FMN2: variants seen among roughly 807,000 people sequenced by gnomAD.
FMN2 encodes the protein formin-2.
A neutral mutation model predicts 142.3 loss-of-function variants in FMN2; 51 were observed. The ratio of observed to expected loss-of-function variants is 0.36; its 90% CI spans 0.29 to 0.45. The LOEUF (loss-of-function observed/expected upper bound fraction) is 0.45. Among genes scored for constraint, FMN2 ranks in the 20% least tolerant of loss-of-function variants. The pLI is 1.00. For synonymous variants in FMN2, 882 were observed against 869.8 expected (o/e 1.01, Z -0.25); for missense variants, 1,936 against 2,122.8 (o/e 0.91, Z 1.73).
chr1:240,427,319 C>T (rs1376507553), intron 15 of FMN2, among the ~76,000 whole-genome samples: 1 of 151,976 alleles, frequency 6.6e-6, no homozygotes, highest in Non-Finnish European at 1.5e-5. Flanking sequence ...CATTCTCCTG[C>T]CTCAGCCTCC....
chr1:240,337,228 T>TA (rs1354468205), intron 13 of FMN2, among the ~76,000 whole-genome samples: 1 of 134,364 alleles, frequency 7.4e-6, no homozygotes, highest in African/African-American at 3.1e-5. Context: ...TTTTTTTTTT[T>TA]AAGACAGTCT....
At chr1:240,147,918 A>G (rs1173533034) in intron 2 of FMN2, among the ~76,000 whole-genome samples, 1 of 152,214 alleles carries the variant, frequency 6.6e-6, no homozygotes, top group Non-Finnish European at 1.5e-5. Flanking sequence ...TTGATAAGCC[A>G]GATTCGGGAA....
chr1:240,371,520 G>A (rs533207883), intron 14 of FMN2, among the ~76,000 whole-genome samples: 12 of 152,170 alleles, frequency 7.9e-5, no homozygotes, highest in Non-Finnish European at 1.6e-4. Flanking sequence ...TTCAAGACTA[G>A]CACTTTTAAA....
At chr1:240,203,847 T>TC (rs1261970541) in intron 4 of FMN2, among the ~76,000 whole-genome samples, 13 of 152,194 alleles carry the variant, frequency 8.5e-5, no homozygotes, top group East Asian at 3.8e-4. Flanking sequence ...TTATTTTTTT[T>TC]CCCACTATGG....
chr1:240,393,361 T>A (rs1049663407), intron 15 of FMN2, among the ~76,000 whole-genome samples: 7 of 152,206 alleles, frequency 4.6e-5, no homozygotes, highest in Non-Finnish European at 8.8e-5. Flanking sequence ...ATCTTTTATG[T>A]TACTATTGTA....
At chr1:240,246,927 G>A (rs1486279407) in intron 6 of FMN2, among the ~76,000 whole-genome samples, 1 of 152,170 alleles carries the variant, frequency 6.6e-6, no homozygotes, top group Non-Finnish European at 1.5e-5. Context: ...TCTTAGAAGA[G>A]TGTACTCTCC....
intron 1 of FMN2, among the ~76,000 whole-genome samples, chr1:240,113,334 T>C (rs1661887879): frequency 6.6e-6 from 1 of 151,792 alleles, no homozygotes; most frequent in Admixed American, 6.6e-5. Context: ...GAGGCCGAGG[T>C]GGGCGGATTG....
Position 240,208,222 on chromosome 1 carries a change from G to T in FMN2, c.3410G>T (p.Gly1137Val). The T allele has an allele frequency of 2.6e-6, 2 of 773,068 alleles. No individual in the cohort carries two copies. Among genetic ancestry groups the T allele is most frequent in the Non-Finnish European group, 3.5e-6 (2 of 576,566 alleles). 47.9% of individuals were successfully genotyped at this position (773,068 alleles called of 1,614,324 possible). ...ATACCCCCTCCTCCCCCTCTTCCCG[G>T]AGCGGGCATACCTCCTCCACCCCCT... is the stretch of plus-strand genomic sequence containing the variant. Reference protein sequence around the residue: ...AGIPPPPPLPGAGIPPPPPLP... With the variant: ...AGIPPPPPLPVAGIPPPPPLP... The change falls in exon 5 of 18, where the codon GGA becomes GTA. Residue 1137 changes from glycine to valine, a missense_variant. Gly to Val is a moderately radical substitution (Grantham distance 109). Around this residue, in one of 8 missense-constraint regions of FMN2, gnomAD observed 56 missense variants for 111.8 expected, o/e 0.50. Coordinates refer to ENST00000319653, the MANE Select transcript of FMN2 (RefSeq NM_020066.5).
At chr1:240,451,480 CTT>C (rs1676043132) in intron 16 of FMN2, among the ~76,000 whole-genome samples, 1 of 152,040 alleles carries the variant, frequency 6.6e-6, no homozygotes, top group Non-Finnish European at 1.5e-5. Context: ...TCTTTTTGGG[CTT>C]TACAATATTC....
At position 240,170,421 on chromosome 1, in the gene FMN2, G is replaced by A; in HGVS notation, c.1783-7500G>A. 4 of 1,262,202 alleles carry A rather than the reference G, an allele frequency of 3.2e-6. No homozygotes were observed. The Admixed American group carries it at 5.0e-5, about 16-fold the overall frequency. The allele number at this position is 1,262,202 out of a possible 1,614,324, so 78.2% of individuals were successfully genotyped here. A position where few individuals can be genotyped will look rare whatever the true frequency, so the allele number is the denominator to read the frequency against. On this transcript the variant is annotated intron_variant, in intron 2 of 17. Transcript: ENST00000319653. ...TTGGTGAGGGAGTTGCTAAGCTGAA[G>A]GCGGGTGATAACTGTCATCCCATTT...
In FMN2 at chr1:240,413,120, C is replaced by CAAAAAAAA. The variant is rs35590068; in HGVS notation, c.4910+20580_4910+20587dup. Among the ~76,000 whole-genome samples the CAAAAAAAA allele has an allele frequency of 3.4e-3, 84 of 24,582 alleles. 7 individuals carry two copies. The highest frequency in any genetic ancestry group is 0.011 in the South Asian group (2 of 174). The allele number at this position is 24,582 out of a possible 152,430, so 16.1% of individuals were successfully genotyped here. On this transcript the variant is annotated intron_variant, in intron 15 of 17. Coordinates refer to ENST00000319653, the MANE Select transcript of FMN2 (RefSeq NM_020066.5). The stretch of plus-strand genomic sequence containing the variant: ...CCTGGGCGACAAAGCGAGACTCTGT[C>CAAAAAAAA]AAAAAAAAAAAAAAAAAAAAAAAAA...
intron 4 of FMN2, among the ~76,000 whole-genome samples, chr1:240,201,988 A>G (rs76690230): frequency 9.5e-4 from 144 of 152,322 alleles, no homozygotes; most frequent in African/African-American, 3.4e-3. Context: ...TAGAGTGGAC[A>G]TTTGAATGTT....
chr1:240,096,390 A>G (rs1165429963), intron 1 of FMN2, among the ~76,000 whole-genome samples: 6 of 152,138 alleles, frequency 3.9e-5, no homozygotes, highest in Non-Finnish European at 7.3e-5. Context: ...AGTGAACCAG[A>G]TTTTCTCTAA....
At chr1:240,375,021 TG>T (rs1235837521) in intron 14 of FMN2, among the ~76,000 whole-genome samples, 2 of 152,186 alleles carry the variant, frequency 1.3e-5, no homozygotes, top group African/African-American at 4.8e-5. Flanking sequence ...GGTTATTAAT[TG>T]GCCTAATTTC....
At chr1:240,451,682 C>T (rs1184579024) in intron 16 of FMN2, among the ~76,000 whole-genome samples, 1 of 152,010 alleles carries the variant, frequency 6.6e-6, no homozygotes, top group Non-Finnish European at 1.5e-5. Context: ...GGGAGTAGAA[C>T]TAGTAGAGCA....
chr1:240,239,012 A>G (rs974053655), intron 6 of FMN2, among the ~76,000 whole-genome samples: 4 of 152,188 alleles, frequency 2.6e-5, no homozygotes, highest in African/African-American at 7.2e-5. Context: ...AGGAGTGCTG[A>G]TAATGTCCTA....
At chr1:240,104,204 G>A (rs1163962136) in intron 1 of FMN2, among the ~76,000 whole-genome samples, 3 of 149,322 alleles carry the variant, frequency 2.0e-5, no homozygotes, top group African/African-American at 7.3e-5. Flanking sequence ...GCATATATAA[G>A]CTATATATTA....
chr1:240,457,277 G>A (rs985086068), intron 16 of FMN2, among the ~76,000 whole-genome samples: 6 of 152,198 alleles, frequency 3.9e-5, no homozygotes, highest in Admixed American at 2.0e-4. Context: ...GAGGGGAATG[G>A]CAAGTCAAGA....
chr1:240,229,412 A>G (rs1667460845), intron 6 of FMN2, among the ~76,000 whole-genome samples: 3 of 151,928 alleles, frequency 2.0e-5, no homozygotes, highest in Admixed American at 2.0e-4. Flanking sequence ...TCTCTTGGTA[A>G]TCAACATACC....
Sources: gnomAD v4.1 joint callset for allele counts (sites outside exome capture counted in the v4.1 genomes callset) on GRCh38, gnomAD v4.1.1 for gene constraint, gnomAD v4.1.1 regional missense constraint, MANE v1.5 for transcripts, NCBI Gene and HGNC (gene_info 2026-07-23, HGNC 2026-07-21) for gene names.